ZFR: variants seen among roughly 807,000 people sequenced by gnomAD.
The protein encoded by ZFR is zinc finger RNA-binding protein.
Under a neutral mutation model 130.7 loss-of-function variants are expected in ZFR, and 19 were observed. The observed-to-expected ratio is 0.15, with a 90% CI of 0.10 to 0.21. The LOEUF is 0.21. Among genes scored for constraint, ZFR ranks in the 10% least tolerant of loss-of-function variants. The pLI, the probability that ZFR is intolerant of heterozygous loss-of-function variation, is 1.00. For synonymous variants in ZFR, 466 were observed against 456.9 expected (o/e 1.02, Z -0.25); for missense variants, 872 against 1,321.5 (o/e 0.66, Z 5.27).
chr5:32,398,530 T>G (rs1306417258), intron 9 of ZFR, among the ~76,000 whole-genome samples: 2 of 152,214 alleles, frequency 1.3e-5, no homozygotes. Context: ...AAAAATTGGG[T>G]GTTCTGGTTG....
intron 17 of ZFR, among the ~76,000 whole-genome samples, chr5:32,374,117 A>G (rs1222267736): frequency 6.6e-6 from 1 of 152,222 alleles, no homozygotes; most frequent in Non-Finnish European, 1.5e-5. Context: ...TACAACAGAG[A>G]TAGCTTCAAG....
chr5:32,420,483 T>C (rs538468786), intron 2 of ZFR, among the ~76,000 whole-genome samples: 1 of 152,348 alleles, frequency 6.6e-6, no homozygotes, highest in Admixed American at 6.5e-5. Flanking sequence ...CTTTATTATG[T>C]TGTACAGTTT....
intron 2 of ZFR, among the ~76,000 whole-genome samples, chr5:32,428,049 G>T (rs1402327923): frequency 6.6e-6 from 1 of 152,150 alleles, no homozygotes. Context: ...TTCATGACAT[G>T]AAATTTGGCA....
chr5:32,361,387 TACTTC>T (rs1752427410), intron 19 of ZFR, among the ~76,000 whole-genome samples: 2 of 152,320 alleles, frequency 1.3e-5, no homozygotes, highest in South Asian at 4.1e-4. Context: ...ACCGTTTCTC[TACTTC>T]ACTTAAGTTA....
chr5:32,428,750 T>C (rs755174607), intron 2 of ZFR, among the ~76,000 whole-genome samples: 45 of 152,154 alleles, frequency 3.0e-4, no homozygotes, highest in Non-Finnish European at 5.6e-4. Flanking sequence ...TCAGGGAGAA[T>C]GCACAGTGCA....
chr5:32,442,476 T>A (rs1001479676), intron 2 of ZFR, among the ~76,000 whole-genome samples: 4 of 152,210 alleles, frequency 2.6e-5, no homozygotes, highest in Admixed American at 6.5e-5. Context: ...AGCTGAAACT[T>A]TTTTTGTCTA....
rs143347620 is a variant in ZFR, at chr5:32,432,722, T to C, written c.137+11507A>G. On this transcript the variant is annotated intron_variant, in intron 2 of 19. Transcript: ENST00000265069. ...TTATTACCATAGATTTTAGAAGAAA[T>C]TTAAATTTAGGTTCCATTTCTTCTT... Among the ~76,000 whole-genome samples the C allele has an allele frequency of 4.3e-3, 656 of 152,180 alleles. 3 individuals are homozygous for C. Among genetic ancestry groups the C allele is most frequent in the African/African-American group, 0.015 (638 of 41,514 alleles).
At chr5:32,409,294 T>A (rs992434495) in intron 5 of ZFR, among the ~76,000 whole-genome samples, 2 of 152,184 alleles carry the variant, frequency 1.3e-5, no homozygotes, top group African/African-American at 2.4e-5. Flanking sequence ...GCTTTCAAAT[T>A]TAAAACGTTC....
At chr5:32,376,344 A>G (rs1164864971) in intron 17 of ZFR, among the ~76,000 whole-genome samples, 2 of 152,248 alleles carry the variant, frequency 1.3e-5, no homozygotes, top group South Asian at 4.1e-4. Flanking sequence ...ATGAAAAAAA[A>G]GCTCTAAAAC....
chr5:32,444,534 C>T, intron 1 of ZFR, 88 bp downstream of exon 1: 1 of 1,397,714 alleles, frequency 7.2e-7, no homozygotes, highest in South Asian at 1.6e-5. Flanking sequence ...GCCTCCTCCC[C>T]GGAGCCTGCC....
intron 2 of ZFR, among the ~76,000 whole-genome samples, chr5:32,443,443 G>A (rs1314640418): frequency 6.6e-6 from 1 of 152,250 alleles, no homozygotes; most frequent in African/African-American, 2.4e-5. Flanking sequence ...CCCCCGCAAG[G>A]AGAATGACAG....
chr5:32,371,579 A>C lies in ZFR; in HGVS notation c.2836-7304T>G, dbSNP rs1237991008. Among the ~76,000 whole-genome samples the C allele has an allele frequency of 2.0e-5, 3 of 152,232 alleles. No individual in the cohort carries two copies. The East Asian group carries it at 5.8e-4, about 29-fold the overall frequency. ...TCACCAATAACTTTCAATTTGGAGAAAGGTAAAATGAATCACATTATAAGC... is the reference window on the plus strand; with the variant it reads ...TCACCAATAACTTTCAATTTGGAGACAGGTAAAATGAATCACATTATAAGC... On this transcript the variant is annotated intron_variant, in intron 17 of 19. Coordinates refer to ENST00000265069, the MANE Select transcript of ZFR (RefSeq NM_016107.5).
chr5:32,363,646 G>T (rs542277838), intron 19 of ZFR, among the ~76,000 whole-genome samples: 1 of 152,114 alleles, frequency 6.6e-6, no homozygotes, highest in Non-Finnish European at 1.5e-5. Flanking sequence ...AATTTCTGCT[G>T]ATCTTGATAC....
chr5:32,390,373 G>C lies in ZFR; in HGVS notation c.2044C>G (p.Arg682Gly). 1 of 1,614,080 alleles carries C rather than the reference G, an allele frequency of 6.2e-7. No homozygotes were observed. Among genetic ancestry groups the C allele is most frequent in the Non-Finnish European group, 8.5e-7 (1 of 1,180,010 alleles). The change falls in exon 12 of 20, where the codon CGC (arginine) becomes GGC (glycine). Residue 682 changes from arginine (R) to glycine (G), a missense_variant. Arg to Gly is a moderately radical substitution (Grantham distance 125). Coordinates refer to ENST00000265069, the MANE Select transcript of ZFR (RefSeq NM_016107.5). ...GGATAACCTCCATCTGGCATTCGGC[G>C]GCGATCATCCCAATGATGTTGTTCT... ...EEEQHHWDDRRRMPDGGYPHG... is the reference protein window; with the variant it reads ...EEEQHHWDDRGRMPDGGYPHG...
At chr5:32,357,439 T>C (rs933654113) in intron 19 of ZFR, among the ~76,000 whole-genome samples, 1 of 152,148 alleles carries the variant, frequency 6.6e-6, no homozygotes, top group Non-Finnish European at 1.5e-5. Context: ...CTAACTTTTG[T>C]ATTTTTAGTA....
intron 5 of ZFR, among the ~76,000 whole-genome samples, chr5:32,408,923 A>G (rs912945844): frequency 6.6e-6 from 1 of 152,206 alleles, no homozygotes; most frequent in African/African-American, 2.4e-5. Context: ...TTGCCTGACT[A>G]CTTTTCTCCT....
At chr5:32,421,392 T>C (rs1753954531) in intron 2 of ZFR, among the ~76,000 whole-genome samples, 1 of 152,208 alleles carries the variant, frequency 6.6e-6, no homozygotes. Context: ...TCTGTACTGG[T>C]GTGCATAGTA....
chr5:32,432,189 T>C (rs530224492), intron 2 of ZFR, among the ~76,000 whole-genome samples: 2 of 152,186 alleles, frequency 1.3e-5, no homozygotes, highest in East Asian at 1.9e-4. Context: ...CTCGCTATGT[T>C]GAGCTGGGGA....
chr5:32,378,748 C>G (rs1752879183), intron 17 of ZFR, among the ~76,000 whole-genome samples: 1 of 151,316 alleles, frequency 6.6e-6, no homozygotes, highest in Non-Finnish European at 1.5e-5. Context: ...TTACAGTTCC[C>G]AACCACATAC....
Sources: allele counts gnomAD v4.1 joint callset (sites outside exome capture counted in the v4.1 genomes callset), GRCh38; gene constraint gnomAD v4.1.1; transcripts MANE v1.5; gene names NCBI Gene and HGNC (gene_info 2026-07-23, HGNC 2026-07-21).